MAPK10: variants seen among roughly 807,000 people sequenced by gnomAD.
MAPK10 encodes the protein mitogen-activated protein kinase 10.
MAPK10 carries 25 observed loss-of-function variants against 59.3 expected under a neutral mutation model. That is an observed-to-expected ratio of 0.42 (90% CI 0.31 to 0.59). The LOEUF (loss-of-function observed/expected upper bound fraction) is 0.59, where lower values mean the gene tolerates loss of function less well. Among genes scored for constraint, MAPK10 ranks in the 20% least tolerant of loss-of-function variants. MAPK10 has a pLI of 0.15. For synonymous variants in MAPK10, 190 were observed against 200.5 expected (o/e 0.95, Z 0.44); for missense variants, 351 against 568.9 (o/e 0.62, Z 3.90).
chr4:86,184,222 A>C (rs1204221771), intron 3 of MAPK10, among the ~76,000 whole-genome samples: 1 of 152,086 alleles, frequency 6.6e-6, no homozygotes, highest in Non-Finnish European at 1.5e-5. Flanking sequence ...GCCCATGCCT[A>C]TGTCTTGAAT....
intron 1 of MAPK10, among the ~76,000 whole-genome samples, chr4:86,537,662 T>C (rs1386414542): frequency 6.6e-6 from 1 of 152,206 alleles, no homozygotes; most frequent in Non-Finnish European, 1.5e-5. Context: ...TCTATTATTC[T>C]GTCAGGTTGT....
intron 2 of MAPK10, among the ~76,000 whole-genome samples, chr4:86,308,096 T>C (rs1578017314): frequency 6.6e-6 from 1 of 152,122 alleles, no homozygotes; most frequent in Admixed American, 6.5e-5. Flanking sequence ...GAAATGATGA[T>C]ATCATTCGTA....
intron 1 of MAPK10, among the ~76,000 whole-genome samples, chr4:86,371,571 G>A (rs918565349): frequency 1.3e-5 from 2 of 152,176 alleles, no homozygotes; most frequent in African/African-American, 4.8e-5. Context: ...AAATGCGAGT[G>A]AACTCAATGA....
intron 9 of MAPK10, among the ~76,000 whole-genome samples, chr4:86,076,203 C>T (rs553264864): frequency 3.3e-4 from 50 of 152,300 alleles, no homozygotes; most frequent in African/African-American, 1.1e-3. Flanking sequence ...AGGGAACTCC[C>T]TGACCCCTTG....
intron 4 of MAPK10, among the ~76,000 whole-genome samples, chr4:86,109,300 A>G (rs1490968932): frequency 6.6e-6 from 1 of 152,216 alleles, no homozygotes; most frequent in African/African-American, 2.4e-5. Context: ...AATGTGGGAC[A>G]TGGTGGTTTG....
chr4:86,020,961 T>C (rs1366650561), intron 13 of MAPK10: 1 of 152,266 alleles, frequency 6.6e-6, no homozygotes, highest in African/African-American at 2.4e-5. Flanking sequence ...TTCTCTTATC[T>C]GGCCCCACCC....
At chr4:86,188,599 T>C (rs2078860394) in intron 3 of MAPK10, among the ~76,000 whole-genome samples, 1 of 152,186 alleles carries the variant, frequency 6.6e-6, no homozygotes, top group South Asian at 2.1e-4. Context: ...GGGTTGTTTG[T>C]TATTTTCTCA....
intron 2 of MAPK10, among the ~76,000 whole-genome samples, chr4:86,211,306 CAAAG>C (rs2085739862): frequency 1.3e-5 from 2 of 152,020 alleles, no homozygotes; most frequent in African/African-American, 4.8e-5. Context: ...AAGCCAAAGA[CAAAG>C]AGAGAATATT....
At chr4:86,589,699 A>C (rs981321165) in intron 1 of MAPK10, among the ~76,000 whole-genome samples, 37 of 151,646 alleles carry the variant, frequency 2.4e-4, no homozygotes, top group Admixed American at 2.2e-3. Context: ...AAAAAAAGTA[A>C]AGTAAAATGT....
chr4:86,549,150 T>C (rs1759553504), intron 1 of MAPK10, among the ~76,000 whole-genome samples: 1 of 152,184 alleles, frequency 6.6e-6, no homozygotes, highest in Non-Finnish European at 1.5e-5. Flanking sequence ...AACTGTAATT[T>C]TAACCATATC....
At chr4:86,458,866 C>G (rs1751471113) in intron 1 of MAPK10, among the ~76,000 whole-genome samples, 1 of 152,180 alleles carries the variant, frequency 6.6e-6, no homozygotes, top group South Asian at 2.1e-4. Context: ...GCAAAGATTT[C>G]ATGACCACGA....
At chr4:86,449,277 A>G (rs766649098) in intron 1 of MAPK10, among the ~76,000 whole-genome samples, 1 of 152,172 alleles carries the variant, frequency 6.6e-6, no homozygotes, top group South Asian at 2.1e-4. Flanking sequence ...ATCCATCAAA[A>G]TCATCTGAAG....
intron 9 of MAPK10, among the ~76,000 whole-genome samples, chr4:86,084,408 G>A (rs1455093230): frequency 1.3e-5 from 2 of 152,134 alleles, no homozygotes; most frequent in South Asian, 4.1e-4. Flanking sequence ...TAAAGTTGCA[G>A]GATTCAAAAT....
At chr4:86,372,182 T>C (rs1738869572) in intron 1 of MAPK10, among the ~76,000 whole-genome samples, 2 of 151,986 alleles carry the variant, frequency 1.3e-5, no homozygotes, top group South Asian at 4.2e-4. Context: ...TAACAAACAG[T>C]CTCTCAGACC....
intron 1 of MAPK10, among the ~76,000 whole-genome samples, chr4:86,406,148 A>G (rs899528410): frequency 1.3e-5 from 2 of 152,182 alleles, no homozygotes; most frequent in African/African-American, 4.8e-5. Flanking sequence ...AACAAAAAGC[A>G]GAGTCCCTCG....
chr4:86,447,993 C>G (rs1750240260), intron 1 of MAPK10, among the ~76,000 whole-genome samples: 1 of 152,076 alleles, frequency 6.6e-6, no homozygotes, highest in Admixed American at 6.6e-5. Flanking sequence ...GTTAGTTGTG[C>G]TCTCTATGTC....
At chr4:86,457,196 A>G (rs906454247), upstream of MAPK10, among the ~76,000 whole-genome samples, 1 of 152,246 alleles carries the variant, frequency 6.6e-6, no homozygotes, top group Non-Finnish European at 1.5e-5. Flanking sequence ...CCCACAGCCA[A>G]CAGATACTGA....
At chr4:86,328,384 C>G (rs546295034) in intron 2 of MAPK10, among the ~76,000 whole-genome samples, 8 of 152,098 alleles carry the variant, frequency 5.3e-5, no homozygotes, top group African/African-American at 1.2e-4. Flanking sequence ...GAAACAGGAA[C>G]GCTTTTACAC....
chr4:86,222,823 C>T (rs2089928689), intron 2 of MAPK10, among the ~76,000 whole-genome samples: 1 of 152,214 alleles, frequency 6.6e-6, no homozygotes, highest in Non-Finnish European at 1.5e-5. Flanking sequence ...TTCATCCAAC[C>T]TTCTCCAGGA....
Sources: allele counts gnomAD v4.1 joint callset (sites outside exome capture counted in the v4.1 genomes callset), GRCh38; gene constraint gnomAD v4.1.1; transcripts MANE v1.5; gene names NCBI Gene and HGNC (gene_info 2026-07-23, HGNC 2026-07-21).